The following CTNNA1 variants were observed in gnomAD, a reference collection of about 807,000 sequenced individuals.
The protein encoded by CTNNA1 is catenin alpha 1, also known as catenin alpha-1.
CTNNA1 carries 37 observed loss-of-function variants against 98.4 expected under a neutral mutation model. That is an observed-to-expected ratio of 0.38 (90% CI 0.29 to 0.49). The LOEUF (loss-of-function observed/expected upper bound fraction) is 0.49, where lower values mean the gene tolerates loss of function less well. Ranked by LOEUF, CTNNA1 falls within the 20% of genes least tolerant of loss-of-function variation. The pLI is 0.95. For missense variants in CTNNA1, 761 were observed against 1,147.2 expected (o/e 0.66, Z 4.86); for synonymous variants, 404 against 413.2 (o/e 0.98, Z 0.27).
chr5:138,789,946 T>A (rs1211708397), intron 3 of CTNNA1, among the ~76,000 whole-genome samples: 1 of 152,170 alleles, frequency 6.6e-6, no homozygotes, highest in East Asian at 1.9e-4. Flanking sequence ...CCTTAGAAAC[T>A]GAAATTTGTC....
chr5:138,788,001 A>G (rs879456138), intron 3 of CTNNA1, among the ~76,000 whole-genome samples: 1 of 152,178 alleles, frequency 6.6e-6, no homozygotes, highest in South Asian at 2.1e-4. Context: ...TTGTACTACT[A>G]ATCTGCTTCG....
intron 1 of CTNNA1, chr5:138,762,177 G>C (rs1319546477): frequency 6.6e-6 from 1 of 152,210 alleles, no homozygotes; most frequent in Non-Finnish European, 1.5e-5. Flanking sequence ...GAGTCTCATA[G>C]AGCAGCACTT....
At chr5:138,923,984 G>C (rs537932096) in intron 11 of CTNNA1, among the ~76,000 whole-genome samples, 1 of 152,124 alleles carries the variant, frequency 6.6e-6, no homozygotes, top group African/African-American at 2.4e-5. Flanking sequence ...CACACCTCAG[G>C]GTCCTCTAGA....
At chr5:138,859,827 G>C (rs986921113) in intron 7 of CTNNA1, among the ~76,000 whole-genome samples, 3 of 152,212 alleles carry the variant, frequency 2.0e-5, no homozygotes, top group Non-Finnish European at 4.4e-5. Flanking sequence ...AGAATCGCTT[G>C]AGCCCAGGAG....
At chr5:138,822,347 T>G (rs1443893064) in intron 5 of CTNNA1, among the ~76,000 whole-genome samples, 1 of 152,216 alleles carries the variant, frequency 6.6e-6, no homozygotes. Flanking sequence ...AGGAAAGTCA[T>G]GTGTTGAATA....
rs1763794154 is a variant in CTNNA1, at chr5:138,925,374, C to A, written c.1866C>A (p.Ile622=). 2 of 1,614,026 alleles carry A rather than the reference C, an allele frequency of 1.2e-6. No individual in the cohort carries two copies. The highest frequency in any genetic ancestry group is 2.2e-5 in the South Asian group (2 of 91,088). The stretch of plus-strand genomic sequence containing the variant: ...CTTCCCGCCTGGTATATGATGGCAT[C>A]CGGGACATCAGGAAAGCAGTGCTGA... ...IDASRLVYDG[I]RDIRKAVLMI... is the part of the protein sequence containing the mutation. Residue 622 remains isoleucine, a synonymous_variant, in exon 13 of 18, where the codon ATC becomes ATA. Coordinates refer to ENST00000302763, the MANE Select transcript of CTNNA1 (RefSeq NM_001903.5).
Position 138,765,839 on chromosome 5 carries a change from C to G in CTNNA1, c.-3+12329C>G, listed in dbSNP as rs191287606. Among the ~76,000 whole-genome samples the G allele has an allele frequency of 7.6e-3, 1,132 of 149,220 alleles. 53 individuals are homozygous for G. Among genetic ancestry groups the G allele is most frequent in the Admixed American group, 0.067 (996 of 14,756 alleles). On this transcript the variant is annotated intron_variant, in intron 1 of 17. Transcript: ENST00000302763. Reference sequence around the variant, plus strand: ...TGGTGCATGCCTGTAGTCCCAGCTACTTGGGAGGCTGAGGCAGGAGAATCA... The same window carrying G: ...TGGTGCATGCCTGTAGTCCCAGCTAGTTGGGAGGCTGAGGCAGGAGAATCA...
chr5:138,885,697 G>T (rs1257246073), intron 7 of CTNNA1, among the ~76,000 whole-genome samples: 1 of 152,038 alleles, frequency 6.6e-6, no homozygotes, highest in Non-Finnish European at 1.5e-5. Flanking sequence ...ATTATGATTT[G>T]AGCTGCATAA....
intron 7 of CTNNA1, among the ~76,000 whole-genome samples, chr5:138,879,094 T>C (rs1158304855): frequency 7.0e-6 from 1 of 143,456 alleles, no homozygotes; most frequent in Admixed American, 7.6e-5. Context: ...CCTGTAATCC[T>C]AGCTACTCAG....
At chr5:138,825,827 T>C (rs930431087) in intron 6 of CTNNA1, among the ~76,000 whole-genome samples, 4 of 152,186 alleles carry the variant, frequency 2.6e-5, no homozygotes, top group African/African-American at 9.7e-5. Context: ...GCTTTAAACA[T>C]TAAATTATTT....
intron 1 of CTNNA1, among the ~76,000 whole-genome samples, chr5:138,781,006 C>G (rs892465527): frequency 6.6e-6 from 1 of 152,144 alleles, no homozygotes; most frequent in African/African-American, 2.4e-5. Context: ...ACAGAAGTTT[C>G]TCTTGACACT....
At chr5:138,823,326 C>G (rs1760226700) in intron 5 of CTNNA1, among the ~76,000 whole-genome samples, 1 of 152,106 alleles carries the variant, frequency 6.6e-6, no homozygotes, top group Non-Finnish European at 1.5e-5. Context: ...GGAAATGATG[C>G]CAAGGACCTC....
rs28363397 is a variant in CTNNA1 at position 138,823,589 on chromosome 5, T to G, written c.589-941T>G. ...CGTGCTTGTCAGAACAGCCTTGTGA[T>G]ATCCTCACCTATTTATGTAGTTCAT... On this transcript the variant is annotated intron_variant, in intron 5 of 17. Transcript: ENST00000302763. Among the ~76,000 whole-genome samples the G allele has an allele frequency of 1.2e-4, 19 of 152,332 alleles. No homozygotes were observed. In the East Asian group the frequency reaches 3.7e-3, roughly 29 times the overall value.
In CTNNA1 at chr5:138,875,113, G is replaced by C. The variant is rs1751201371; in HGVS notation, c.1063-11099G>C. The C allele has an allele frequency of 2.1e-5, 11 of 531,690 alleles. 1 individual carries two copies. In the South Asian group the frequency reaches 2.3e-4, roughly 11 times the overall value. 32.9% of individuals were successfully genotyped at this position (531,690 alleles called of 1,614,324 possible). On this transcript the variant is annotated intron_variant, in intron 7 of 17. Transcript: ENST00000302763. ...CTGGAAAGCATTGGTTTCATTTTCT[G>C]TGATTGCTCTGATCCCTAAATCAGT... is the stretch of plus-strand genomic sequence containing the variant.
intron 7 of CTNNA1, among the ~76,000 whole-genome samples, chr5:138,884,963 G>C (rs1047439949): frequency 6.6e-6 from 1 of 152,118 alleles, no homozygotes; most frequent in African/African-American, 2.4e-5. Context: ...AGGGGGAAAG[G>C]CTTAAGGAAT....
chr5:138,841,421 G>A (rs959737580), intron 7 of CTNNA1, among the ~76,000 whole-genome samples: 5 of 151,914 alleles, frequency 3.3e-5, no homozygotes, highest in African/African-American at 7.3e-5. Context: ...TACCACGCCC[G>A]GCTAATTTTT....
chr5:138,773,862 C>T (rs1040209459), intron 1 of CTNNA1, among the ~76,000 whole-genome samples: 3 of 151,844 alleles, frequency 2.0e-5, no homozygotes, highest in African/African-American at 4.8e-5. Context: ...GGATGCACAC[C>T]ACTACACCTG....
chr5:138,788,095 C>T (rs1232735087), intron 3 of CTNNA1, among the ~76,000 whole-genome samples: 1 of 152,068 alleles, frequency 6.6e-6, no homozygotes, highest in African/African-American at 2.4e-5. Flanking sequence ...TCCTGTTTAC[C>T]TCCCGTATCC....
intron 7 of CTNNA1, among the ~76,000 whole-genome samples, chr5:138,840,214 G>T (rs774817703): frequency 1.3e-5 from 2 of 152,224 alleles, no homozygotes; most frequent in Admixed American, 6.5e-5. Context: ...CAGGGATCTG[G>T]ATAGGTGGGG....
Sources: gnomAD v4.1 joint callset for allele counts (sites outside exome capture counted in the v4.1 genomes callset) on GRCh38, gnomAD v4.1.1 for gene constraint, MANE v1.5 for transcripts, NCBI Gene and HGNC (gene_info 2026-07-23, HGNC 2026-07-21) for gene names.